The following RAD51B variants were observed in gnomAD, a reference collection of about 807,000 sequenced individuals.
RAD51B encodes the protein RAD51 paralog B.
RAD51B carries 38 observed loss-of-function variants against 42.2 expected under a neutral mutation model. The ratio of observed to expected loss-of-function variants is 0.90; its 90% CI spans 0.70 to 1.18. The LOEUF (loss-of-function observed/expected upper bound fraction) is 1.18, where lower values mean the gene tolerates loss of function less well. RAD51B is among the 50% of genes most tolerant of loss of function. The pLI, the probability that RAD51B is intolerant of heterozygous loss-of-function variation, is 0.00. For missense variants in RAD51B, 373 were observed against 400.7 expected (o/e 0.93, Z 0.59); for synonymous variants, 154 against 145.2 (o/e 1.06, Z -0.43).
In RAD51B at chr14:68,358,996, TG is replaced by T. The variant is rs1361028327; in HGVS notation, c.854-52427del. 2.0e-5 allele frequency among the ~76,000 whole-genome samples: 3 copies of T among 152,188 alleles called. No individual in the cohort carries two copies. The East Asian group carries it at 5.8e-4, about 29-fold the overall frequency. Reference sequence around the variant, plus strand: ...CAGTACCAGCACAGAATGACAGAATTGTTGGAAACCTCTCCTAATTCATACC... The same window carrying T: ...CAGTACCAGCACAGAATGACAGAATTTTGGAAACCTCTCCTAATTCATACC... On this transcript the variant is annotated intron_variant, in intron 8 of 10. Transcript: ENST00000471583.
intron 7 of RAD51B, among the ~76,000 whole-genome samples, chr14:68,097,629 A>C (rs946762200): frequency 1.3e-5 from 2 of 152,198 alleles, no homozygotes; most frequent in Non-Finnish European, 2.9e-5. Context: ...AGACACTAAG[A>C]ATTCTTCATT....
chr14:68,394,730 T>C lies in RAD51B; in HGVS notation c.854-16694T>C, dbSNP rs1262080020. 2.0e-5 allele frequency among the ~76,000 whole-genome samples: 3 copies of C among 152,348 alleles called. No homozygotes were observed. The East Asian group carries it at 5.8e-4, about 29-fold the overall frequency. ...CCCCAGTGGGTTTTGAGGGGAAGGA[T>C]GCTGAGGCTTTGGGCCCGGGCTCCT... On this transcript the variant is annotated intron_variant, in intron 8 of 10. Transcript: ENST00000471583.
chr14:68,343,288 T>C (rs963452102), intron 8 of RAD51B, among the ~76,000 whole-genome samples: 2 of 152,202 alleles, frequency 1.3e-5, no homozygotes, highest in Admixed American at 6.5e-5. Flanking sequence ...TTTCTCTCAA[T>C]CCAAAGGTTG....
At chr14:67,938,378 A>G (rs1390222176) in intron 7 of RAD51B, among the ~76,000 whole-genome samples, 1 of 152,224 alleles carries the variant, frequency 6.6e-6, no homozygotes, top group Non-Finnish European at 1.5e-5. Context: ...TTTTCTAACA[A>G]ATAATACTTT....
intron 7 of RAD51B, among the ~76,000 whole-genome samples, chr14:68,231,594 G>C (rs2080150877): frequency 1.3e-5 from 2 of 152,166 alleles, no homozygotes; most frequent in Non-Finnish European, 2.9e-5. Context: ...AGCAGCAGCT[G>C]TCATTGCTCA....
chr14:68,205,547 G>A (rs1185665585), intron 7 of RAD51B, among the ~76,000 whole-genome samples: 3 of 152,122 alleles, frequency 2.0e-5, no homozygotes, highest in Non-Finnish European at 4.4e-5. Context: ...TTGTTTGGGG[G>A]CTGAGATAAA....
chr14:68,092,682 A>T (rs1165627123), intron 7 of RAD51B, among the ~76,000 whole-genome samples: 1 of 152,092 alleles, frequency 6.6e-6, no homozygotes, highest in Non-Finnish European at 1.5e-5. Flanking sequence ...CTAATTGAAT[A>T]CCCTTTATTT....
intron 10 of RAD51B, among the ~76,000 whole-genome samples, chr14:68,568,653 A>G (rs1199267402): frequency 6.6e-6 from 1 of 152,132 alleles, no homozygotes; most frequent in East Asian, 1.9e-4. Flanking sequence ...AGGGTGTACC[A>G]TTCAAGCAGT....
intron 8 of RAD51B, among the ~76,000 whole-genome samples, chr14:68,333,527 G>A (rs2082388943): frequency 6.6e-6 from 1 of 152,182 alleles, no homozygotes; most frequent in Non-Finnish European, 1.5e-5. Flanking sequence ...CAGCCCAGCA[G>A]CTACACTTCT....
intron 10 of RAD51B, among the ~76,000 whole-genome samples, chr14:68,618,512 G>T (rs1891872572): frequency 6.6e-6 from 1 of 152,124 alleles, no homozygotes; most frequent in Non-Finnish European, 1.5e-5. Context: ...TCTTCAATGT[G>T]ATTAAGCTTA....
At chr14:68,271,977 T>C (rs553762564) in intron 7 of RAD51B, among the ~76,000 whole-genome samples, 9 of 152,352 alleles carry the variant, frequency 5.9e-5, no homozygotes, top group Admixed American at 5.9e-4. Context: ...GAAGTTATCT[T>C]TGTGAGATAC....
chr14:68,607,036 T>G (rs1335772157), intron 10 of RAD51B, among the ~76,000 whole-genome samples: 2 of 152,206 alleles, frequency 1.3e-5, no homozygotes, highest in Non-Finnish European at 2.9e-5. Flanking sequence ...AATTATAAAG[T>G]GTCACATGTA....
chr14:67,858,243 GGTCCCT>G (rs999044215), intron 4 of RAD51B, among the ~76,000 whole-genome samples: 3 of 152,202 alleles, frequency 2.0e-5, no homozygotes, highest in African/African-American at 7.2e-5. Flanking sequence ...GCACTTGGTG[GGTCCCT>G]GTCTGGCATC....
chr14:67,910,325 G>T (rs1435150418), intron 7 of RAD51B, among the ~76,000 whole-genome samples: 1 of 73,010 alleles, frequency 1.4e-5, no homozygotes, highest in Non-Finnish European at 2.3e-5. Context: ...AGAATGGCGT[G>T]AACCCAGGAG....
chr14:68,575,184 T>C (rs1003428737), intron 10 of RAD51B, among the ~76,000 whole-genome samples: 4 of 152,250 alleles, frequency 2.6e-5, no homozygotes, highest in African/African-American at 9.6e-5. Flanking sequence ...CAGGGTTTTC[T>C]GTCAAAGATA....
chr14:68,035,567 A>G (rs540128796), intron 7 of RAD51B, among the ~76,000 whole-genome samples: 5 of 152,350 alleles, frequency 3.3e-5, no homozygotes, highest in African/African-American at 1.2e-4. Context: ...GAGAAGATTC[A>G]GTAAAAAACA....
At chr14:68,045,966 GGCAGCAACAGCAACA>G (rs2076292716) in intron 7 of RAD51B, among the ~76,000 whole-genome samples, 1 of 151,996 alleles carries the variant, frequency 6.6e-6, no homozygotes, top group Non-Finnish European at 1.5e-5. Flanking sequence ...CCTTCGACAT[GGCAGCAACAGCAACA>G]GCAGCAGCAG....
At chr14:68,020,219 C>T (rs957464024) in intron 7 of RAD51B, among the ~76,000 whole-genome samples, 8 of 152,126 alleles carry the variant, frequency 5.3e-5, no homozygotes, top group African/African-American at 1.9e-4. Context: ...AAGCAATCCT[C>T]CCAGCTCAGC....
intron 10 of RAD51B, among the ~76,000 whole-genome samples, chr14:68,610,458 C>T (rs879916452): frequency 6.6e-6 from 1 of 152,226 alleles, no homozygotes; most frequent in Admixed American, 6.5e-5. Context: ...TTCAGAAACC[C>T]ATATGAGCTC....
Sources: allele counts gnomAD v4.1 joint callset (sites outside exome capture counted in the v4.1 genomes callset), GRCh38; gene constraint gnomAD v4.1.1; transcripts MANE v1.5; gene names NCBI Gene and HGNC (gene_info 2026-07-23, HGNC 2026-07-21).